The following SVOPL variants were observed in gnomAD, a reference collection of about 807,000 sequenced individuals.
SVOPL encodes the protein SVOP like, also known as putative transporter SVOPL.
In SVOPL, 60 loss-of-function variants were observed where a neutral mutation model predicts 61.0. That is an observed-to-expected ratio of 0.98 (90% CI 0.80 to 1.22). SVOPL has a LOEUF of 1.22. SVOPL is among the 50% of genes most tolerant of loss of function. The pLI is 0.00. For missense variants in SVOPL, 662 were observed against 643.9 expected (o/e 1.03, Z -0.30); for synonymous variants, 279 against 250.0 (o/e 1.12, Z -1.09).
intron 14 of SVOPL, among the ~76,000 whole-genome samples, chr7:138,605,432 C>T (rs1163993223): frequency 6.6e-6 from 1 of 151,898 alleles, no homozygotes; most frequent in Non-Finnish European, 1.5e-5. Flanking sequence ...GAGGCCGAGG[C>T]AGATGGATCA....
chr7:138,628,075 A>T, intron 11 of SVOPL, 83 bp downstream of exon 11: 1 of 1,490,984 alleles, frequency 6.7e-7, no homozygotes, highest in Non-Finnish European at 9.3e-7. Flanking sequence ...GCGGTGTCAC[A>T]GGGTCACACT....
intron 14 of SVOPL, among the ~76,000 whole-genome samples, chr7:138,597,641 C>CGTGTGTGTGTGTGTGTGTGTGT (rs60875635): frequency 3.8e-4 from 56 of 147,618 alleles, no homozygotes; most frequent in African/African-American, 7.2e-4. Context: ...ATAACGTCTG[C>CGTGTGTGTGTGTGTGTGTGTGT]GTGTGTGTGT....
chr7:138,699,381 T>C (rs1165606309), intron 1 of SVOPL, among the ~76,000 whole-genome samples: 1 of 152,090 alleles, frequency 6.6e-6, no homozygotes, highest in Non-Finnish European at 1.5e-5. Flanking sequence ...CCAAAAGGCA[T>C]TTATTGCTAA....
At chr7:138,643,237 C>T (rs1398845214) in intron 9 of SVOPL, among the ~76,000 whole-genome samples, 1 of 151,928 alleles carries the variant, frequency 6.6e-6, no homozygotes, top group Non-Finnish European at 1.5e-5. Context: ...CCATCCTGGT[C>T]AACATGGTGA....
At chr7:138,620,119 G>GTTTTTT (rs375556204) in intron 14 of SVOPL, among the ~76,000 whole-genome samples, 2,345 of 114,260 alleles carry the variant, frequency 0.021, 51 homozygotes, top group South Asian at 0.039. Flanking sequence ...TTTTTTTTCT[G>GTTTTTT]TTTTGTTTTT....
rs80311372 is a variant in SVOPL, at chr7:138,652,616, C to CT, written c.535-3480dup. Among the ~76,000 whole-genome samples, 342 of 151,574 alleles carry CT rather than the reference C, an allele frequency of 2.3e-3. 1 individual carries two copies. Among genetic ancestry groups the CT allele is most frequent in the African/African-American group, 6.0e-3 (248 of 41,266 alleles). On this transcript the variant is annotated intron_variant, in intron 7 of 15. Coordinates refer to ENST00000674285, the MANE Select transcript of SVOPL (RefSeq NM_001139456.2). Reference sequence around the variant, plus strand: ...AAGTTGTGAATGCAAAGGAAAAGTTCTTTTTTTTTTTCTTTTGAGATGGCA... The same window carrying CT: ...AAGTTGTGAATGCAAAGGAAAAGTTCTTTTTTTTTTTTCTTTTGAGATGGCA...
At chr7:138,630,643 T>A (rs1169698937) in intron 9 of SVOPL, among the ~76,000 whole-genome samples, 1 of 152,048 alleles carries the variant, frequency 6.6e-6, no homozygotes, top group Non-Finnish European at 1.5e-5. Context: ...TAACTTTGGA[T>A]AAAAACAAGT....
intron 10 of SVOPL, among the ~76,000 whole-genome samples, chr7:138,629,835 A>G (rs995784880): frequency 6.6e-6 from 1 of 152,222 alleles, no homozygotes; most frequent in Non-Finnish European, 1.5e-5. Flanking sequence ...AACTGGTTGA[A>G]GACAATTAGG....
In SVOPL at chr7:138,619,852, G is replaced by C. The variant is rs10246432; in HGVS notation, c.1353+1194C>G. On this transcript the variant is annotated intron_variant, in intron 14 of 15. Coordinates refer to ENST00000674285, the MANE Select transcript of SVOPL (RefSeq NM_001139456.2). ...AGAGAGAGCTAATCAGTGTCTTCCA[G>C]AGGCCAGAGCGAAGGGTTTGTGTTC... 3.3e-5 allele frequency among the ~76,000 whole-genome samples: 5 copies of C among 152,156 alleles called. No homozygotes were observed. The East Asian group carries it at 7.7e-4, about 23-fold the overall frequency.
intron 3 of SVOPL, among the ~76,000 whole-genome samples, chr7:138,674,384 G>A (rs1802504308): frequency 6.6e-6 from 1 of 151,968 alleles, no homozygotes; most frequent in African/African-American, 2.4e-5. Flanking sequence ...GCCCATCACT[G>A]TCAACATATC....
At chr7:138,661,190 C>G in intron 5 of SVOPL, 6 of 985,326 alleles carry the variant, frequency 6.1e-6, no homozygotes, top group Non-Finnish European at 7.2e-6. Context: ...CACCAGAAAT[C>G]AAGCAAATAG....
At chr7:138,682,738 G>A (rs932689030) in intron 1 of SVOPL, among the ~76,000 whole-genome samples, 1 of 152,090 alleles carries the variant, frequency 6.6e-6, no homozygotes, top group Non-Finnish European at 1.5e-5. Context: ...GGAAGCCAAG[G>A]TGGGTGGATC....
At chr7:138,618,550 A>T (rs1210585727) in intron 14 of SVOPL, among the ~76,000 whole-genome samples, 1 of 152,098 alleles carries the variant, frequency 6.6e-6, no homozygotes, top group Admixed American at 6.6e-5. Context: ...AATTCCAGCT[A>T]TTCGGGAGGC....
chr7:138,674,431 A>C (rs1030562046), intron 3 of SVOPL, among the ~76,000 whole-genome samples: 3 of 151,918 alleles, frequency 2.0e-5, no homozygotes, highest in African/African-American at 7.2e-5. Flanking sequence ...AAAGCATCCC[A>C]TCGTAAGACC....
chr7:138,601,251 C>CAAAAA (rs59761826), intron 14 of SVOPL, among the ~76,000 whole-genome samples: 21 of 98,822 alleles, frequency 2.1e-4, no homozygotes, highest in East Asian at 5.4e-4. Context: ...GATTCCATCT[C>CAAAAA]AAAAAAAAAA....
Position 138,625,996 on chromosome 7 carries a change from G to T in SVOPL, c.1236C>A (p.Phe412Leu). The change falls in exon 13 of 16, where the codon TTC becomes TTA. Residue 412 changes from phenylalanine (F) to leucine (L), a missense_variant. Coordinates refer to ENST00000674285, the MANE Select transcript of SVOPL (RefSeq NM_001139456.2). ...CAGCTGTGTAAATGTAGACGGTGTTGAAGTTTGCAGCTACCAGAGCCCTCA... is the reference window on the plus strand; with the variant it reads ...CAGCTGTGTAAATGTAGACGGTGTTTAAGTTTGCAGCTACCAGAGCCCTCA... ...FMLRALVAAN[F>L]NTVYIYTAEV... 6.2e-7 allele frequency: 1 copy of T among 1,614,144 alleles called. No homozygotes were observed. Among genetic ancestry groups the T allele is most frequent in the Non-Finnish European group, 8.5e-7 (1 of 1,180,032 alleles).
chr7:138,660,103 C>G, intron 5 of SVOPL, 115 bp from the exon 6 acceptor site: 1 of 1,484,510 alleles, frequency 6.7e-7, no homozygotes, highest in Middle Eastern at 1.8e-4. Context: ...CTCTGAGGAG[C>G]TAACCTGTAG....
intron 14 of SVOPL, among the ~76,000 whole-genome samples, chr7:138,613,866 A>T (rs1799166383): frequency 6.6e-6 from 1 of 152,156 alleles, no homozygotes; most frequent in Admixed American, 6.5e-5. Context: ...ACACACTAGC[A>T]CCATGACTAA....
At position 138,649,546 on chromosome 7, in the gene SVOPL, G is replaced by A. The variant is rs142881368; in HGVS notation, c.535-409C>T. ...TCCTGACCTCAAATGATCCACCCACGTTAGCCTCCCAAAATGCTGGGATTA... is the reference window on the plus strand; with the variant it reads ...TCCTGACCTCAAATGATCCACCCACATTAGCCTCCCAAAATGCTGGGATTA... On this transcript the variant is annotated intron_variant, in intron 7 of 15. Transcript: ENST00000674285. Among the ~76,000 whole-genome samples the A allele has an allele frequency of 7.4e-3, 1,119 of 152,086 alleles. 15 individuals are homozygous for A. The highest frequency in any genetic ancestry group is 0.026 in the African/African-American group (1,061 of 41,506).
Sources: gnomAD v4.1 joint callset for allele counts (sites outside exome capture counted in the v4.1 genomes callset) on GRCh38, gnomAD v4.1.1 for gene constraint, MANE v1.5 for transcripts, NCBI Gene and HGNC (gene_info 2026-07-23, HGNC 2026-07-21) for gene names.